Variants in SCAPER observed in about 807,000 individuals in gnomAD.
SCAPER encodes the protein S phase cyclin A-associated protein in the endoplasmic reticulum.
SCAPER carries 98 observed loss-of-function variants against 182.2 expected under a neutral mutation model. The ratio of observed to expected loss-of-function variants is 0.54; its 90% CI spans 0.46 to 0.64. The LOEUF is 0.64. Ranked by LOEUF, SCAPER falls within the 30% of genes least tolerant of loss-of-function variation. The pLI is 0.00. For synonymous variants in SCAPER, 605 were observed against 564.6 expected (o/e 1.07, Z -1.01); for missense variants, 1,432 against 1,690.0 (o/e 0.85, Z 2.68).
intron 24 of SCAPER, among the ~76,000 whole-genome samples, chr15:76,484,555 C>A (rs1308321121): frequency 1.3e-5 from 2 of 152,072 alleles, no homozygotes; most frequent in Non-Finnish European, 2.9e-5. Context: ...CTGAATTCTA[C>A]CAGATGTACA....
chr15:76,807,977 T>C (rs2151555067), intron 5 of SCAPER, among the ~76,000 whole-genome samples: 1 of 152,236 alleles, frequency 6.6e-6, no homozygotes, highest in Non-Finnish European at 1.5e-5. Context: ...GCGTCCCAAC[T>C]TCTATGATTC....
At chr15:76,511,843 A>ATATGTGTGTGTGTG (rs151255382) in intron 23 of SCAPER, among the ~76,000 whole-genome samples, 54 of 123,286 alleles carry the variant, frequency 4.4e-4, no homozygotes, top group African/African-American at 1.7e-3. Context: ...ATATATATAT[A>ATATGTGTGTGTGTG]TGTGTGTGTG....
intron 27 of SCAPER, among the ~76,000 whole-genome samples, chr15:76,395,245 C>T (rs2043972231): frequency 6.6e-6 from 1 of 152,188 alleles, no homozygotes; most frequent in African/African-American, 2.4e-5. Context: ...ATCCATTCAT[C>T]TCCTGATGGA....
intron 24 of SCAPER, among the ~76,000 whole-genome samples, chr15:76,501,965 G>C (rs112757158): frequency 1.3e-5 from 2 of 152,210 alleles, no homozygotes; most frequent in African/African-American, 4.8e-5. Flanking sequence ...TCCTCTTGCT[G>C]TTCTCTGAGT....
chr15:76,551,135 T>A (rs1212501251), intron 23 of SCAPER, among the ~76,000 whole-genome samples: 1 of 152,100 alleles, frequency 6.6e-6, no homozygotes, highest in Non-Finnish European at 1.5e-5. Flanking sequence ...AGAGCCATTA[T>A]GAAAATCAGT....
intron 23 of SCAPER, among the ~76,000 whole-genome samples, chr15:76,551,776 A>G (rs1031196101): frequency 6.6e-6 from 1 of 152,176 alleles, no homozygotes; most frequent in African/African-American, 2.4e-5. Context: ...AGTACACAAT[A>G]TATATACATG....
At chr15:76,561,262 AATTT>A (rs1462413366) in intron 23 of SCAPER, among the ~76,000 whole-genome samples, 1 of 152,178 alleles carries the variant, frequency 6.6e-6, no homozygotes, top group African/African-American at 2.4e-5. Flanking sequence ...AAGAGCTTAT[AATTT>A]ATTTACTTAA....
chr15:76,485,827 G>A (rs1398938395), intron 24 of SCAPER, among the ~76,000 whole-genome samples: 1 of 152,204 alleles, frequency 6.6e-6, no homozygotes, highest in Non-Finnish European at 1.5e-5. Flanking sequence ...TAACTGGCTA[G>A]CCATATGCAG....
intron 21 of SCAPER, among the ~76,000 whole-genome samples, chr15:76,643,743 G>A (rs555800395): frequency 1.2e-4 from 19 of 152,196 alleles, no homozygotes; most frequent in African/African-American, 4.1e-4. Flanking sequence ...TTTGTAACAC[G>A]AGGGAATAAA....
intron 26 of SCAPER, among the ~76,000 whole-genome samples, chr15:76,428,201 T>C (rs539130222): frequency 5.9e-5 from 9 of 152,302 alleles, no homozygotes; most frequent in Admixed American, 5.2e-4. Context: ...ATAGCCATCA[T>C]GTAAAAAGTA....
chr15:76,510,888 T>TGTGCGC (rs1491205462), intron 23 of SCAPER, among the ~76,000 whole-genome samples: 56 of 141,206 alleles, frequency 4.0e-4, no homozygotes, highest in African/African-American at 3.4e-4. Context: ...TGTGTGTGTG[T>TGTGCGC]GCGCGCGCGC....
chr15:76,560,048 T>C (rs1309268233), intron 23 of SCAPER, among the ~76,000 whole-genome samples: 1 of 152,136 alleles, frequency 6.6e-6, no homozygotes, highest in Non-Finnish European at 1.5e-5. Flanking sequence ...ATGGTGTCAT[T>C]CCCACTGAGT....
chr15:76,785,040 T>C (rs941751560), intron 8 of SCAPER, among the ~76,000 whole-genome samples: 4 of 152,192 alleles, frequency 2.6e-5, no homozygotes, highest in Non-Finnish European at 4.4e-5. Context: ...GGGATCTACT[T>C]AAACTAAAGA....
At chr15:76,352,294 T>C (rs2040611856) in intron 30 of SCAPER, among the ~76,000 whole-genome samples, 1 of 151,908 alleles carries the variant, frequency 6.6e-6, no homozygotes, top group Non-Finnish European at 1.5e-5. Flanking sequence ...TTTTTTTGTC[T>C]TTTGCTTGAC....
At chr15:76,440,225 A>C (rs1481800521) in intron 25 of SCAPER, among the ~76,000 whole-genome samples, 1 of 152,188 alleles carries the variant, frequency 6.6e-6, no homozygotes, top group African/African-American at 2.4e-5. Flanking sequence ...CGATTCTCTA[A>C]ACTTATTCCA....
intron 29 of SCAPER, among the ~76,000 whole-genome samples, chr15:76,372,227 CCTCTCACCAAGGAT>C (rs1206859167): frequency 6.6e-6 from 1 of 152,174 alleles, no homozygotes; most frequent in African/African-American, 2.4e-5. Flanking sequence ...CATGAGCTTA[CCTCTCACCAAGGAT>C]CTTCAAACCT....
intron 23 of SCAPER, among the ~76,000 whole-genome samples, chr15:76,542,548 A>AAAAATAAAAT (rs371485796): frequency 3.1e-4 from 47 of 149,738 alleles, no homozygotes; most frequent in South Asian, 2.1e-3. Context: ...ATAAATAAAT[A>AAAAATAAAAT]AAAATAAAAT....
chr15:76,690,272 T>C (rs544188681), intron 20 of SCAPER, among the ~76,000 whole-genome samples: 1 of 152,122 alleles, frequency 6.6e-6, no homozygotes, highest in East Asian at 1.9e-4. Flanking sequence ...AATCTATAAA[T>C]ATACTTCAAG....
chr15:76,429,474 G>A (rs560334824), intron 26 of SCAPER, among the ~76,000 whole-genome samples: 1 of 152,246 alleles, frequency 6.6e-6, no homozygotes, highest in African/African-American at 2.4e-5. Flanking sequence ...TAATGGTAAC[G>A]ACAATGAAAT....
Sources: gnomAD v4.1 joint callset for allele counts (sites outside exome capture counted in the v4.1 genomes callset) on GRCh38, gnomAD v4.1.1 for gene constraint, MANE v1.5 for transcripts, NCBI Gene and HGNC (gene_info 2026-07-23, HGNC 2026-07-21) for gene names.